ROBO3: variants seen among roughly 807,000 people sequenced by gnomAD.
The protein encoded by ROBO3 is roundabout guidance receptor 3.
ROBO3 carries 97 observed loss-of-function variants against 160.5 expected under a neutral mutation model. The ratio of observed to expected loss-of-function variants is 0.60; its 90% CI spans 0.51 to 0.72. The LOEUF is 0.72. ROBO3 is among the 30% of genes least tolerant of loss of function. The pLI, the probability that ROBO3 is intolerant of heterozygous loss-of-function variation, is 0.00. For synonymous variants in ROBO3, 780 were observed against 746.2 expected (o/e 1.05, Z -0.74); for missense variants, 1,858 against 1,846.5 (o/e 1.01, Z -0.11).
In ROBO3 at chr11:124,869,484, C is replaced by G. The variant is rs1433674143; in HGVS notation, c.522C>G (p.Asn174Lys). The G allele has an allele frequency of 2.1e-6, 3 of 1,444,604 alleles. No homozygotes were observed. In the Admixed American group the frequency reaches 6.3e-5, roughly 30 times the overall value. 89.5% of individuals were successfully genotyped at this position (1,444,604 alleles called of 1,614,324 possible). The part of the protein sequence containing the change: ...LRDDFRQSPG[N>K]VVVAVGEPAV... ...ATGATTTCCGGCAGTCTCCTGGAAA[C>G]GTGGTGGTGGCAGTGGGGGAGCCAG... Residue 174 changes from asparagine (N) to lysine (K), a missense_variant, in exon 3 of 28, where the codon AAC (asparagine) becomes AAG (lysine). Coordinates refer to ENST00000397801, the MANE Select transcript of ROBO3 (RefSeq NM_022370.4). This position sits in a 1 kb window ranked among gnomAD's most constrained non-coding sequence, Gnocchi z 4.2.
rs747293899 is a variant in ROBO3, at chr11:124,874,208, C to A, written c.1923C>A (p.Ser641Arg). The change falls in exon 12 of 28, where the codon AGC becomes AGA. Residue 641 changes from serine to arginine, a missense_variant. Transcript: ENST00000397801. ...AVGAWGLSEP[S>R]PVSEPVRTQD... ...GAGCCTGGGGCCTCAGTGAGCCCAG[C>A]CCCGTCTCTGAGCCTGTCCGTACAC... 6.2e-7 allele frequency: 1 copy of A among 1,613,870 alleles called. No homozygotes were observed. Among genetic ancestry groups the A allele is most frequent in the South Asian group, 1.1e-5 (1 of 91,074 alleles).
At chr11:124,874,728 C>T (rs1359810402) in intron 12 of ROBO3, 60 bp from the exon 13 acceptor site, 1 of 1,551,364 alleles carries the variant, frequency 6.4e-7, no homozygotes, top group East Asian at 2.3e-5. Flanking sequence ...CACGAGCACA[C>T]TCTCAGCCCT....
Position 124,872,935 on chromosome 11 carries a change from C to T in ROBO3, c.1382C>T (p.Thr461Met), listed in dbSNP as rs775020878. The change falls in exon 9 of 28, where the codon ACG (threonine) becomes ATG (methionine). Residue 461 changes from threonine to methionine, a missense_variant. Coordinates refer to ENST00000397801, the MANE Select transcript of ROBO3 (RefSeq NM_022370.4). The surrounding 1 kb of genome is among the most constrained non-coding windows in gnomAD (Gnocchi z 4.3). ...PVILQGPANQ[T>M]LVLGSSVWLP... ...ATCCTCCAGGGACCAGCCAATCAGACGCTGGTGCTTGGCTCCTCCGTGTGG... is the reference window on the plus strand; with the variant it reads ...ATCCTCCAGGGACCAGCCAATCAGATGCTGGTGCTTGGCTCCTCCGTGTGG... 1.1e-5 allele frequency: 17 copies of T among 1,612,300 alleles called. No individual in the cohort carries two copies. Among genetic ancestry groups the T allele is most frequent in the Middle Eastern group, 1.9e-4 (1 of 5,136 alleles).
chr11:124,867,027 G>A (rs986646187), intron 1 of ROBO3, among the ~76,000 whole-genome samples: 2 of 152,170 alleles, frequency 1.3e-5, no homozygotes, highest in Admixed American at 6.5e-5. Context: ...AGGTATGCAA[G>A]GAAGGTGTTG....
In ROBO3 at chr11:124,872,833, C is replaced by T. The variant is rs570522251; in HGVS notation, c.1331-51C>T. ...CAGAGAATGAGGACAAGGGGCTGCC[C>T]GCGGGGCCCTAAGCTCCTCCCCTGA... On this transcript the variant is annotated intron_variant, in intron 8 of 27. Transcript: ENST00000397801. The surrounding 1 kb of genome is among the most constrained non-coding windows in gnomAD (Gnocchi z 4.3). The T allele has an allele frequency of 1.2e-3, 1,789 of 1,437,096 alleles. 2 individuals are homozygous for T. The highest frequency in any genetic ancestry group is 1.5e-3 in the Non-Finnish European group (1,660 of 1,072,824). 89.0% of individuals were successfully genotyped at this position (1,437,096 alleles called of 1,614,324 possible).
At position 124,879,495 on chromosome 11, in the gene ROBO3, C is replaced by G. The variant is rs1349661009; in HGVS notation, c.3716C>G (p.Thr1239Ser). 2 of 1,613,890 alleles carry G rather than the reference C, an allele frequency of 1.2e-6. No homozygotes were observed. Among genetic ancestry groups the G allele is most frequent in the Non-Finnish European group, 1.7e-6 (2 of 1,179,820 alleles). The change falls in exon 25 of 28, where the codon ACT becomes AGT. Residue 1239 changes from threonine to serine, a missense_variant. By Grantham distance (58) the Thr-to-Ser change is moderately conservative. Transcript: ENST00000397801. ...ACCTGGCAGGGGAATGGGGAGATGA[C>G]TCCCCCACTTCAAGGACCCCGTGCT... ...GRTWQGNGEMTPPLQGPRARF... is the reference protein window; with the variant it reads ...GRTWQGNGEMSPPLQGPRARF...
intron 1 of ROBO3, among the ~76,000 whole-genome samples, chr11:124,866,045 TAAGA>T (rs1946192147): frequency 1.3e-5 from 2 of 151,986 alleles, no homozygotes; most frequent in Non-Finnish European, 2.9e-5. Context: ...AAGTCCGAGC[TAAGA>T]AAGGCCCGGG....
At position 124,872,462 on chromosome 11, in the gene ROBO3, G is replaced by C; in HGVS notation, c.1240G>C (p.Val414Leu). Residue 414 changes from valine to leucine, a missense_variant, in exon 8 of 28, where the codon GTG becomes CTG. Physicochemically the swap from Val to Leu is conservative, Grantham distance 32. Transcript: ENST00000397801. This position sits in a 1 kb window ranked among gnomAD's most constrained non-coding sequence, Gnocchi z 4.3. ...SPRGQLNITA[V>L]QRGDAGYYVC... ...AAGAGGCCAACTTAACATCACCGCG[G>C]TGCAGCGTGGGGATGCTGGGTACTA... 2 of 1,613,960 alleles carry C rather than the reference G, an allele frequency of 1.2e-6. No individual in the cohort carries two copies. The highest frequency in any genetic ancestry group is 1.7e-6 in the Non-Finnish European group (2 of 1,179,856).
In ROBO3 at chr11:124,869,644, G is replaced by T. The variant is rs1322076236; in HGVS notation, c.645+37G>T. 2.6e-6 allele frequency: 4 copies of T among 1,528,646 alleles called. No homozygotes were observed. The East Asian group carries it at 7.2e-5, about 27-fold the overall frequency. 94.7% of individuals were successfully genotyped at this position (1,528,646 alleles called of 1,614,324 possible). A position where few individuals can be genotyped will look rare whatever the true frequency, so the allele number is the denominator to read the frequency against. On this transcript the variant is annotated intron_variant, in intron 3 of 27. Transcript: ENST00000397801. This position sits in a 1 kb window ranked among gnomAD's most constrained non-coding sequence, Gnocchi z 4.2. ...ATTATGATTGGAGACCCCAACAAGG[G>T]AGGGGACATAGGGTAGGGAGGTGAC...
In ROBO3 at chr11:124,879,953, G is replaced by A. The variant is rs368399263; in HGVS notation, c.3958+5G>A. 489 of 1,565,272 alleles carry A rather than the reference G, an allele frequency of 3.1e-4. No individual in the cohort carries two copies. Among genetic ancestry groups the A allele is most frequent in the Non-Finnish European group, 4.1e-4 (468 of 1,155,256 alleles). On this transcript the variant is annotated splice_donor_5th_base_variant and intron_variant, in intron 26 of 27. Coordinates refer to ENST00000397801, the MANE Select transcript of ROBO3 (RefSeq NM_022370.4). ...AGCGGGTGCTCCACCCAGATGGTAA[G>A]CAGGGCCAGGGCAGGCAGGAGGGCT...
chr11:124,878,153 C>T lies in ROBO3; in HGVS notation c.3181+22C>T. On this transcript the variant is annotated intron_variant, in intron 21 of 27. Coordinates refer to ENST00000397801, the MANE Select transcript of ROBO3 (RefSeq NM_022370.4). The surrounding 1 kb of genome is among the most constrained non-coding windows in gnomAD (Gnocchi z 4.3). ...AGTGGTATGACTCCAACTCCTGAAA[C>T]CCCGTTTAGCCCTGACCAGGGTATC... 1 of 1,585,396 alleles carries T rather than the reference C, an allele frequency of 6.3e-7. No homozygotes were observed. Among genetic ancestry groups the T allele is most frequent in the Non-Finnish European group, 8.6e-7 (1 of 1,165,516 alleles).
At chr11:124,867,630 T>C (rs1325780986) in intron 1 of ROBO3, among the ~76,000 whole-genome samples, 1 of 152,112 alleles carries the variant, frequency 6.6e-6, no homozygotes, top group Non-Finnish European at 1.5e-5. Flanking sequence ...CTCCAGGCAA[T>C]TAAAATAAAC....
intron 7 of ROBO3, among the ~76,000 whole-genome samples, 181 bp downstream of exon 7, chr11:124,871,319 T>C (rs909406851): frequency 6.6e-6 from 1 of 152,222 alleles, no homozygotes; most frequent in African/African-American, 2.4e-5. Context: ...CTGGAACACA[T>C]TGGGACACTT....
In ROBO3 at chr11:124,876,498, G is replaced by A; in HGVS notation, c.2779+38G>A. On this transcript the variant is annotated intron_variant, in intron 17 of 27. Transcript: ENST00000397801. This position sits in a 1 kb window ranked among gnomAD's most constrained non-coding sequence, Gnocchi z 5.3. Reference sequence around the variant, plus strand: ...CCTCGGAGCGGACGGATCCGGGAGGGAGCCAGGCGGCCCATGGGGAGGGGC... The same window carrying A: ...CCTCGGAGCGGACGGATCCGGGAGGAAGCCAGGCGGCCCATGGGGAGGGGC... 1.5e-6 allele frequency: 2 copies of A among 1,350,994 alleles called. No individual in the cohort carries two copies. Among genetic ancestry groups the A allele is most frequent in the South Asian group, 1.9e-5 (1 of 51,872 alleles). 83.7% of individuals were successfully genotyped at this position (1,350,994 alleles called of 1,614,324 possible).
Position 124,879,601 on chromosome 11 carries a change from G to A in ROBO3, c.3796+26G>A, listed in dbSNP as rs199814015. On this transcript the variant is annotated intron_variant, in intron 25 of 27. Transcript: ENST00000397801. ...GTGAGGGGGGATGCACCTGGGAGAT[G>A]GTGACAGTAGTGGCGGGGGGATAGG... 53 of 1,590,400 alleles carry A rather than the reference G, an allele frequency of 3.3e-5. 1 individual carries two copies. The East Asian group carries it at 1.2e-3, about 35-fold the overall frequency.
At position 124,878,069 on chromosome 11, in the gene ROBO3, C is replaced by T. The variant is rs2135342516; in HGVS notation, c.3119C>T (p.Pro1040Leu). ...TTCCATGGGGGCTTCCCCCAACATC[C>T]CTCAGGAGATCTGGGTCCCTGGAGC... Reference protein sequence around the residue: ...QTFHGGFPQHPSGDLGPWSQY... With the variant: ...QTFHGGFPQHLSGDLGPWSQY... Residue 1040 changes from proline (P) to leucine (L), a missense_variant, in exon 21 of 28, where the codon CCC becomes CTC. Coordinates refer to ENST00000397801, the MANE Select transcript of ROBO3 (RefSeq NM_022370.4). The surrounding 1 kb of genome is among the most constrained non-coding windows in gnomAD (Gnocchi z 4.3). The T allele has an allele frequency of 6.2e-7, 1 of 1,612,686 alleles. No homozygotes were observed. The highest frequency in any genetic ancestry group is 2.2e-5 in the East Asian group (1 of 44,840).
At chr11:124,875,768 G>A in intron 15 of ROBO3, 83 bp downstream of exon 15, 1 of 1,517,012 alleles carries the variant, frequency 6.6e-7, no homozygotes, top group South Asian at 1.2e-5. Context: ...TAGGGTGGAG[G>A]AAATCTATTA....
rs1478463412 is a variant in ROBO3 at position 124,876,929 on chromosome 11, T to G, written c.2780-232T>G. 1.6e-6 allele frequency: 1 copy of G among 625,650 alleles called. No homozygotes were observed. The highest frequency in any genetic ancestry group is 2.9e-6 in the Non-Finnish European group (1 of 349,608). 38.8% of individuals were successfully genotyped at this position (625,650 alleles called of 1,614,324 possible). On this transcript the variant is annotated intron_variant, in intron 17 of 27. Coordinates refer to ENST00000397801, the MANE Select transcript of ROBO3 (RefSeq NM_022370.4). This position sits in a 1 kb window ranked among gnomAD's most constrained non-coding sequence, Gnocchi z 5.3. Reference sequence around the variant, plus strand: ...GTCTCTGGAGAGATTCTGAGGTGTTTGAGGTCAGTGGTTTTCAATCTTGGT... The same window carrying G: ...GTCTCTGGAGAGATTCTGAGGTGTTGGAGGTCAGTGGTTTTCAATCTTGGT...
chr11:124,878,978 C>T lies in ROBO3; in HGVS notation c.3533+182C>T. ...GGAGGCTGACAAGATCTCTCATGCC[C>T]ATTAGACTGGCTCTTGCTGGAGTGG... On this transcript the variant is annotated intron_variant, in intron 23 of 27. Transcript: ENST00000397801. This position sits in a 1 kb window ranked among gnomAD's most constrained non-coding sequence, Gnocchi z 4.3. 1 of 748,568 alleles carries T rather than the reference C, an allele frequency of 1.3e-6. No individual in the cohort carries two copies. Among genetic ancestry groups the T allele is most frequent in the Non-Finnish European group, 2.2e-6 (1 of 462,390 alleles). 46.4% of individuals were successfully genotyped at this position (748,568 alleles called of 1,614,324 possible). A position where few individuals can be genotyped will look rare whatever the true frequency, so the allele number is the denominator to read the frequency against.
Sources: allele counts gnomAD v4.1 joint callset (sites outside exome capture counted in the v4.1 genomes callset), GRCh38; gene constraint gnomAD v4.1.1; non-coding constraint Gnocchi (gnomAD v3.1); transcripts MANE v1.5; gene names NCBI Gene and HGNC (gene_info 2026-07-23, HGNC 2026-07-21).